UBE2W: variants seen among roughly 807,000 people sequenced by gnomAD.
UBE2W encodes the protein ubiquitin-conjugating enzyme E2 W.
Under a neutral mutation model 27.2 loss-of-function variants are expected in UBE2W, and 18 were observed. The observed-to-expected ratio is 0.66, with a 90% CI of 0.46 to 0.98. The LOEUF is 0.98. Ranked by LOEUF, UBE2W falls within the 50% of genes least tolerant of loss-of-function variation. The pLI is 0.00. For missense variants in UBE2W, 90 were observed against 180.2 expected (o/e 0.50, Z 2.87); for synonymous variants, 53 against 57.2 (o/e 0.93, Z 0.33).
intron 5 of UBE2W, among the ~76,000 whole-genome samples, chr8:73,800,980 T>C (rs1416756565): frequency 6.6e-6 from 1 of 152,088 alleles, no homozygotes; most frequent in East Asian, 1.9e-4. Flanking sequence ...TAACCCCAGC[T>C]ACTCGGGAGC....
At chr8:73,830,306 A>G in intron 2 of UBE2W, 75 bp downstream of exon 2, 1 of 1,033,944 alleles carries the variant, frequency 9.7e-7, no homozygotes, top group South Asian at 1.4e-5. Context: ...ATAATTTTGT[A>G]GTTTTAAAAA....
chr8:73,863,613 C>T (rs1010238741), intron 1 of UBE2W, among the ~76,000 whole-genome samples: 2 of 151,190 alleles, frequency 1.3e-5, no homozygotes, highest in Non-Finnish European at 2.9e-5. Context: ...CAAAAAATAG[C>T]CAGGCATTGT....
intron 5 of UBE2W, among the ~76,000 whole-genome samples, chr8:73,804,762 T>C (rs1187692772): frequency 2.0e-5 from 3 of 151,734 alleles, no homozygotes; most frequent in Non-Finnish European, 2.9e-5. Context: ...TCTCATTCCA[T>C]CACTGTCACC....
intron 4 of UBE2W, among the ~76,000 whole-genome samples, chr8:73,806,189 A>G (rs34426187): frequency 0.25 from 37,349 of 151,958 alleles, 7,817 homozygotes; most frequent in African/African-American, 0.58. Flanking sequence ...TAAATTATAA[A>G]GGGAATGAAA....
At chr8:73,805,842 T>G in intron 4 of UBE2W, 116 bp from the exon 5 acceptor site, 1 of 523,980 alleles carries the variant, frequency 1.9e-6, no homozygotes, top group Non-Finnish European at 3.4e-6. Context: ...TAAACATGAA[T>G]AGTATATCTA....
downstream of UBE2W, among the ~76,000 whole-genome samples, chr8:73,784,044 C>A (rs1451871867): frequency 2.0e-5 from 3 of 152,182 alleles, no homozygotes; most frequent in Admixed American, 6.5e-5. Context: ...AGCCACCACA[C>A]CTGGCCATAA....
intron 1 of UBE2W, among the ~76,000 whole-genome samples, chr8:73,855,268 T>C (rs569929070): frequency 1.3e-5 from 2 of 152,318 alleles, no homozygotes; most frequent in South Asian, 2.1e-4. Context: ...AAACTGCTCA[T>C]GCAGAGGGTC....
chr8:73,826,368 GCT>G (rs979300359), intron 2 of UBE2W, among the ~76,000 whole-genome samples: 4 of 152,092 alleles, frequency 2.6e-5, no homozygotes, highest in Non-Finnish European at 1.5e-5. Flanking sequence ...CCTAATTATA[GCT>G]CTGTCACTTA....
intron 4 of UBE2W, among the ~76,000 whole-genome samples, chr8:73,807,478 T>C (rs533867968): frequency 6.6e-6 from 1 of 152,124 alleles, no homozygotes; most frequent in East Asian, 1.9e-4. Flanking sequence ...AATGCTCTTA[T>C]GTGTTAATAT....
At position 73,789,246 on chromosome 8, in the gene UBE2W, G is replaced by C. The variant is rs571654235; in HGVS notation, c.*4856C>G. The C allele has an allele frequency of 6.6e-6, 6 of 912,700 alleles. No individual in the cohort carries two copies. Among genetic ancestry groups the C allele is most frequent in the South Asian group, 1.0e-4 (2 of 19,224 alleles). 56.5% of individuals were successfully genotyped at this position (912,700 alleles called of 1,614,324 possible). A position where few individuals can be genotyped will look rare whatever the true frequency, so the allele number is the denominator to read the frequency against. On this transcript the variant is annotated 3_prime_UTR_variant, in exon 6 of 6. Coordinates refer to ENST00000602593, the MANE Select transcript of UBE2W (RefSeq NM_018299.6). ...AGCATTTTGGGAGGCTGAGGCAGGA[G>C]GAATGCTTGAGCCCAGGAATTCAAG...
chr8:73,876,902 G>A (rs975108353), intron 1 of UBE2W, among the ~76,000 whole-genome samples: 101 of 152,136 alleles, frequency 6.6e-4, no homozygotes, highest in African/African-American at 2.3e-3. Flanking sequence ...GGGAGGTGGA[G>A]GCTGCGGTGA....
At chr8:73,858,934 G>A (rs1811421786) in intron 1 of UBE2W, among the ~76,000 whole-genome samples, 1 of 147,266 alleles carries the variant, frequency 6.8e-6, no homozygotes, top group South Asian at 2.2e-4. Flanking sequence ...TCTTTTTGGT[G>A]AGTCTTCTAA....
chr8:73,812,729 G>A (rs1471431013), intron 3 of UBE2W, among the ~76,000 whole-genome samples: 1 of 151,800 alleles, frequency 6.6e-6, no homozygotes, highest in African/African-American at 2.4e-5. Flanking sequence ...GATATTTTTC[G>A]GTGTGGCTCA....
chr8:73,839,283 C>T (rs746892484), intron 1 of UBE2W, among the ~76,000 whole-genome samples: 2 of 144,308 alleles, frequency 1.4e-5, no homozygotes, highest in Admixed American at 7.2e-5. Context: ...AATACTACTA[C>T]ATCAAATGAA....
At chr8:73,820,923 G>C (rs1809587252) in intron 3 of UBE2W, among the ~76,000 whole-genome samples, 1 of 152,084 alleles carries the variant, frequency 6.6e-6, no homozygotes, top group South Asian at 2.1e-4. Context: ...AGCATAGGTA[G>C]ATGACAAAGG....
intron 1 of UBE2W, among the ~76,000 whole-genome samples, chr8:73,830,954 C>T (rs1810041052): frequency 6.6e-6 from 1 of 152,166 alleles, no homozygotes; most frequent in South Asian, 2.1e-4. Flanking sequence ...TCCTATAATT[C>T]ACAATCTATT....
chr8:73,878,718 G>A, intron 1 of UBE2W, 90 bp downstream of exon 1: 1 of 1,194,300 alleles, frequency 8.4e-7, no homozygotes, highest in South Asian at 1.3e-5. Context: ...CCGCCCGGGT[G>A]TCCCCGAATC....
intron 1 of UBE2W, among the ~76,000 whole-genome samples, chr8:73,875,804 C>T (rs1212263916): frequency 6.6e-6 from 1 of 152,118 alleles, no homozygotes; most frequent in Non-Finnish European, 1.5e-5. Flanking sequence ...AATCCTAGTA[C>T]TTTGGGAGGC....
intron 3 of UBE2W, among the ~76,000 whole-genome samples, chr8:73,822,621 A>T (rs1031854214): frequency 3.4e-4 from 50 of 148,442 alleles, no homozygotes; most frequent in South Asian, 1.9e-3. Flanking sequence ...AAAAAAAAAA[A>T]AAAAAAAAAA....
Sources: gnomAD v4.1 joint callset for allele counts (sites outside exome capture counted in the v4.1 genomes callset) on GRCh38, gnomAD v4.1.1 for gene constraint, MANE v1.5 for transcripts, NCBI Gene and HGNC (gene_info 2026-07-23, HGNC 2026-07-21) for gene names.